Variants in DNAJC5B observed in about 807,000 individuals in gnomAD.
DNAJC5B encodes dnaJ homolog subfamily C member 5B.
In DNAJC5B, 23 loss-of-function variants were observed where a neutral mutation model predicts 24.7. That is an observed-to-expected ratio of 0.93 (90% CI 0.67 to 1.32). The LOEUF is 1.32. DNAJC5B is among the 40% of genes most tolerant of loss of function. The pLI, the probability that DNAJC5B is intolerant of heterozygous loss-of-function variation, is 0.00. For missense variants in DNAJC5B, 238 were observed against 240.8 expected (o/e 0.99, Z 0.08); for synonymous variants, 101 against 90.1 (o/e 1.12, Z -0.68).
intron 3 of DNAJC5B, among the ~76,000 whole-genome samples, chr8:66,067,422 A>G (rs973003197): frequency 3.3e-5 from 5 of 152,156 alleles, no homozygotes; most frequent in African/African-American, 4.8e-5. Flanking sequence ...AGGGTAAATT[A>G]GAAGGAAATC....
At chr8:66,027,194 A>T (rs2128955782) in intron 1 of DNAJC5B, among the ~76,000 whole-genome samples, 2 of 152,268 alleles carry the variant, frequency 1.3e-5, no homozygotes. Flanking sequence ...TGTGATGTGG[A>T]TGGTAGAGTG....
intron 2 of DNAJC5B, among the ~76,000 whole-genome samples, chr8:66,050,626 C>A (rs913416960): frequency 6.6e-6 from 1 of 152,154 alleles, no homozygotes; most frequent in Non-Finnish European, 1.5e-5. Flanking sequence ...AAGGCCGAGG[C>A]AGGTCTCAGG....
chr8:66,039,917 G>A (rs1563589591), intron 1 of DNAJC5B, among the ~76,000 whole-genome samples: 1 of 152,058 alleles, frequency 6.6e-6, no homozygotes. Context: ...TGGGGGGCAG[G>A]GAGAGAGTAA....
At chr8:66,029,252 G>T (rs1467351646) in intron 1 of DNAJC5B, among the ~76,000 whole-genome samples, 1 of 152,182 alleles carries the variant, frequency 6.6e-6, no homozygotes, top group East Asian at 1.9e-4. Flanking sequence ...CAGGGCAAAG[G>T]GAGTAGAAGA....
chr8:66,078,591 A>C (rs1262056329), intron 4 of DNAJC5B, among the ~76,000 whole-genome samples: 1 of 152,170 alleles, frequency 6.6e-6, no homozygotes, highest in Admixed American at 6.5e-5. Flanking sequence ...GGTAAAAACA[A>C]AAAGGACAAA....
At chr8:66,015,339 T>C in the DNAJC5B span, among the ~76,000 whole-genome samples, 2 of 152,162 alleles carry the variant, frequency 1.3e-5, no homozygotes, top group African/African-American at 4.8e-5. Context: ...CTGTGTTCTT[T>C]TGTCTCCTCC....
At chr8:66,067,178 C>G (rs1342462791) in intron 3 of DNAJC5B, among the ~76,000 whole-genome samples, 1 of 148,404 alleles carries the variant, frequency 6.7e-6, no homozygotes, top group East Asian at 2.0e-4. Flanking sequence ...AGAACACACC[C>G]CCCACCCTCC....
intron 5 of DNAJC5B, 149 bp from the exon 6 acceptor site, chr8:66,099,788 C>T (rs552179964): frequency 2.9e-5 from 18 of 624,406 alleles, no homozygotes; most frequent in African/African-American, 1.3e-4. Flanking sequence ...TCCTCCCTTT[C>T]GAAGTCCTTA....
At chr8:66,016,990 A>AT (rs544341922), upstream of DNAJC5B, among the ~76,000 whole-genome samples, 180 of 145,598 alleles carry the variant, frequency 1.2e-3, no homozygotes, top group African/African-American at 1.7e-3. Flanking sequence ...GTCAAATATA[A>AT]TTTTTTTTTT....
chr8:66,017,150 CA>C (rs1468359336), upstream of DNAJC5B, among the ~76,000 whole-genome samples: 2 of 152,180 alleles, frequency 1.3e-5, no homozygotes, highest in Non-Finnish European at 2.9e-5. Context: ...ACTTACAATA[CA>C]GCATAAAATG....
intron 1 of DNAJC5B, among the ~76,000 whole-genome samples, chr8:66,026,853 T>A (rs529690323): frequency 6.6e-6 from 1 of 152,212 alleles, no homozygotes; most frequent in African/African-American, 2.4e-5. Context: ...CTCTAGTTAG[T>A]GTCTTTTCCC....
intron 5 of DNAJC5B, among the ~76,000 whole-genome samples, chr8:66,086,947 A>T (rs1458416324): frequency 6.6e-6 from 1 of 152,214 alleles, no homozygotes; most frequent in Non-Finnish European, 1.5e-5. Flanking sequence ...TAGCTACTTA[A>T]CACTTTGTCT....
intron 5 of DNAJC5B, among the ~76,000 whole-genome samples, chr8:66,081,363 T>C (rs958616189): frequency 6.6e-6 from 1 of 152,098 alleles, no homozygotes; most frequent in African/African-American, 2.4e-5. Flanking sequence ...CTCCCATTAT[T>C]CTCTCTCATA....
At chr8:66,076,461 G>C (rs1054663720) in intron 3 of DNAJC5B, among the ~76,000 whole-genome samples, 199 bp from the exon 4 acceptor site, 1 of 152,162 alleles carries the variant, frequency 6.6e-6, no homozygotes, top group Admixed American at 6.5e-5. Context: ...AGGAGAAATA[G>C]TACTATTGCG....
At chr8:66,091,810 T>C (rs1362318817) in intron 5 of DNAJC5B, among the ~76,000 whole-genome samples, 1 of 149,700 alleles carries the variant, frequency 6.7e-6, no homozygotes, top group African/African-American at 2.5e-5. Context: ...AGAGGGGAGG[T>C]GAAATATTAT....
At chr8:66,063,736 G>A (rs993724748) in intron 3 of DNAJC5B, among the ~76,000 whole-genome samples, 3 of 152,042 alleles carry the variant, frequency 2.0e-5, no homozygotes, top group Non-Finnish European at 4.4e-5. Flanking sequence ...TTTAGTATTG[G>A]ATAATTATTT....
At chr8:66,079,771 G>A (rs1334674770) in intron 4 of DNAJC5B, among the ~76,000 whole-genome samples, 1 of 152,196 alleles carries the variant, frequency 6.6e-6, no homozygotes, top group Non-Finnish European at 1.5e-5. Context: ...GGCCAGAGGG[G>A]AGGCAGGGAG....
chr8:66,043,275 A>G (rs1806652825), intron 1 of DNAJC5B, among the ~76,000 whole-genome samples: 1 of 152,162 alleles, frequency 6.6e-6, no homozygotes, highest in East Asian at 1.9e-4. Flanking sequence ...GAAGGAACCC[A>G]CTTCACATGT....
In DNAJC5B at chr8:66,100,152, T is replaced by G. The variant is rs1474832292; in HGVS notation, c.*121T>G. On this transcript the variant is annotated 3_prime_UTR_variant, in exon 6 of 6. Coordinates refer to ENST00000276570, the MANE Select transcript of DNAJC5B (RefSeq NM_033105.6). ...CTTTTCCATCTTGTTGTTTTATTTTTGGGTTAGGAAAACATGATTGCTATA... is the reference window on the plus strand; with the variant it reads ...CTTTTCCATCTTGTTGTTTTATTTTGGGGTTAGGAAAACATGATTGCTATA... 3.6e-6 allele frequency: 3 copies of G among 828,024 alleles called. No homozygotes were observed. Among genetic ancestry groups the G allele is most frequent in the African/African-American group, 1.7e-5 (1 of 58,124 alleles). 51.3% of individuals were successfully genotyped at this position (828,024 alleles called of 1,614,324 possible).
Sources: gnomAD v4.1 joint callset for allele counts (sites outside exome capture counted in the v4.1 genomes callset) on GRCh38, gnomAD v4.1.1 for gene constraint, MANE v1.5 for transcripts, NCBI Gene and HGNC (gene_info 2026-07-23, HGNC 2026-07-21) for gene names.